Variants in MYO3A observed in about 807,000 individuals in gnomAD.
The protein encoded by MYO3A is myosin-IIIa.
In MYO3A, 180 loss-of-function variants were observed where a neutral mutation model predicts 192.7. The ratio of observed to expected loss-of-function variants is 0.93; its 90% CI spans 0.83 to 1.06. The LOEUF (loss-of-function observed/expected upper bound fraction) is 1.06, where lower values mean the gene tolerates loss of function less well. Among genes scored for constraint, MYO3A ranks in the 50% least tolerant of loss-of-function variants. MYO3A has a pLI of 0.00. For missense variants in MYO3A, 1,896 were observed against 1,905.0 expected (o/e 1.00, Z 0.09); for synonymous variants, 628 against 645.3 (o/e 0.97, Z 0.41).
chr10:25,981,398 G>GA (rs951440789), intron 4 of MYO3A, among the ~76,000 whole-genome samples: 20 of 149,504 alleles, frequency 1.3e-4, no homozygotes, highest in African/African-American at 3.4e-4. Context: ...TTTGAATTAG[G>GA]AAAAAAAAAA....
intron 30 of MYO3A, among the ~76,000 whole-genome samples, chr10:26,174,924 A>G (rs1178475521): frequency 6.6e-6 from 1 of 152,300 alleles, no homozygotes; most frequent in South Asian, 2.1e-4. Context: ...TCCAAAGTTT[A>G]TGCTTTCTCC....
At position 26,157,988 on chromosome 10, in the gene MYO3A, C is replaced by T. The variant is rs78396293; in HGVS notation, c.2999+473C>T. On this transcript the variant is annotated intron_variant, in intron 26 of 34. Transcript: ENST00000642920. ...TGTTAAACAGCCATTCTACAATTTACAGGATGGCCTCCCCACAACAAAGAA... is the reference window on the plus strand; with the variant it reads ...TGTTAAACAGCCATTCTACAATTTATAGGATGGCCTCCCCACAACAAAGAA... Among the ~76,000 whole-genome samples, 695 of 152,222 alleles carry T rather than the reference C, an allele frequency of 4.6e-3. 8 individuals carry two copies. Among genetic ancestry groups the T allele is most frequent in the African/African-American group, 0.015 (640 of 41,526 alleles).
At chr10:25,934,573 G>A (rs1290411178) in intron 1 of MYO3A, among the ~76,000 whole-genome samples, 2 of 151,892 alleles carry the variant, frequency 1.3e-5, no homozygotes, top group East Asian at 1.9e-4. Flanking sequence ...AAACCAAGAG[G>A]GGGAATGTGA....
intron 31 of MYO3A, 43 bp from the exon 32 acceptor site, chr10:26,193,162 G>A (rs1843231575): frequency 2.2e-6 from 3 of 1,375,572 alleles, no homozygotes; most frequent in Non-Finnish European, 2.1e-6. Flanking sequence ...CTTGATAATA[G>A]TATTTGTAAT....
rs767500360 is a variant in MYO3A, at chr10:26,021,649, G to A, written c.731+1G>A. ...TGAGAGCACTCTTCAAAATACCAAG[G>A]TCAGATGACTAACATTGGGTCCAGT... is the stretch of plus-strand genomic sequence containing the variant. On this transcript the variant is annotated splice_donor_variant, in intron 8 of 34. Coordinates refer to ENST00000642920, the MANE Select transcript of MYO3A (RefSeq NM_017433.5). LOFTEE classifies it high-confidence loss of function. 3 of 1,613,918 alleles carry A rather than the reference G, an allele frequency of 1.9e-6. No individual in the cohort carries two copies. In the African/African-American group the frequency reaches 4.0e-5, roughly 22 times the overall value.
Position 26,099,125 on chromosome 10 carries a change from T to C in MYO3A, c.1776+2443T>C, listed in dbSNP as rs529733759. Among the ~76,000 whole-genome samples, 27 of 152,282 alleles carry C rather than the reference T, an allele frequency of 1.8e-4. No individual in the cohort carries two copies. The East Asian group carries it at 2.7e-3, about 15-fold the overall frequency. On this transcript the variant is annotated intron_variant, in intron 17 of 34. Transcript: ENST00000642920. ...TAGTTCTCCTTGAAGAGGTCCTTCATGTCCCTTGTAAGTTGGATTCCTAGA... is the reference window on the plus strand; with the variant it reads ...TAGTTCTCCTTGAAGAGGTCCTTCACGTCCCTTGTAAGTTGGATTCCTAGA...
intron 34 of MYO3A, among the ~76,000 whole-genome samples, chr10:26,208,179 C>T (rs893751962): frequency 6.6e-5 from 10 of 152,158 alleles, no homozygotes; most frequent in Admixed American, 5.2e-4. Flanking sequence ...CTGCTTGTCT[C>T]CTCTGAAGAT....
Position 26,026,533 on chromosome 10 carries a change from G to A in MYO3A, c.953+1G>A, listed in dbSNP as rs371225282. ...GCATGGGAGGCACAGAAAAGGCCAG[G>A]TAATCAAATAATATCTTGATTCCAA... On this transcript the variant is annotated splice_donor_variant, in intron 10 of 34. Transcript: ENST00000642920. LOFTEE classifies it high-confidence loss of function. 42 of 1,613,836 alleles carry A rather than the reference G, an allele frequency of 2.6e-5. No individual in the cohort carries two copies. Among genetic ancestry groups the A allele is most frequent in the Non-Finnish European group, 3.3e-5 (39 of 1,179,884 alleles).
At chr10:26,046,100 A>G (rs1005612677) in intron 10 of MYO3A, among the ~76,000 whole-genome samples, 1 of 152,182 alleles carries the variant, frequency 6.6e-6, no homozygotes, top group African/African-American at 2.4e-5. Context: ...CACTCTAGCA[A>G]CTTAATCAAA....
intron 4 of MYO3A, among the ~76,000 whole-genome samples, chr10:25,974,709 A>G (rs986961351): frequency 2.6e-5 from 4 of 152,326 alleles, no homozygotes; most frequent in Admixed American, 2.0e-4. Flanking sequence ...CGCTGACTGT[A>G]TGCCCTTATG....
chr10:26,185,329 C>CTTTTTT lies in MYO3A; in HGVS notation c.4439-7853_4439-7848dup, dbSNP rs61581382. Among the ~76,000 whole-genome samples the CTTTTTT allele has an allele frequency of 3.3e-4, 21 of 63,878 alleles. 3 individuals carry two copies. The highest frequency in any genetic ancestry group is 5.4e-4 in the Non-Finnish European group (18 of 33,126). The allele number at this position is 63,878 out of a possible 152,430, so 41.9% of individuals were successfully genotyped here. A position where few individuals can be genotyped will look rare whatever the true frequency, so the allele number is the denominator to read the frequency against. The stretch of plus-strand genomic sequence containing the variant: ...CTACCATACCATACATTCCAGGATT[C>CTTTTTT]TTTTTTTTTTTTTTTTTTTTTTTTT... On this transcript the variant is annotated intron_variant, in intron 31 of 34. Transcript: ENST00000642920.
chr10:26,097,721 CT>C (rs1184895745), intron 17 of MYO3A, among the ~76,000 whole-genome samples: 1 of 152,116 alleles, frequency 6.6e-6, no homozygotes, highest in African/African-American at 2.4e-5. Context: ...TGAACTCATC[CT>C]TTTTTATGGC....
intron 10 of MYO3A, among the ~76,000 whole-genome samples, chr10:26,036,067 G>A (rs1315262315): frequency 1.3e-5 from 2 of 151,906 alleles, no homozygotes; most frequent in Non-Finnish European, 2.9e-5. Flanking sequence ...CCAAGTAGCT[G>A]GGACTACAGG....
chr10:25,970,302 C>T (rs1245527399), intron 4 of MYO3A, among the ~76,000 whole-genome samples: 1 of 151,584 alleles, frequency 6.6e-6, no homozygotes, highest in East Asian at 1.9e-4. Flanking sequence ...ATAAGAAAAA[C>T]TAACAAATAC....
chr10:26,111,349 T>C (rs1351384988), intron 17 of MYO3A, among the ~76,000 whole-genome samples: 2 of 152,156 alleles, frequency 1.3e-5, no homozygotes, highest in East Asian at 3.9e-4. Context: ...CTGTTCTAAA[T>C]ATAGTCTCAT....
chr10:25,984,997 G>A (rs1839558320), intron 4 of MYO3A, among the ~76,000 whole-genome samples: 1 of 152,112 alleles, frequency 6.6e-6, no homozygotes, highest in Non-Finnish European at 1.5e-5. Flanking sequence ...CGGCACTTTG[G>A]GAGGCTGAGG....
At chr10:25,997,305 G>C (rs1433219389) in intron 6 of MYO3A, 47 bp downstream of exon 6, 1 of 1,339,618 alleles carries the variant, frequency 7.5e-7, no homozygotes, top group East Asian at 2.3e-5. Flanking sequence ...TAATGAACTA[G>C]TATGATATGA....
chr10:25,957,259 T>TA (rs1296570967), intron 4 of MYO3A, among the ~76,000 whole-genome samples: 2 of 152,122 alleles, frequency 1.3e-5, no homozygotes, highest in Non-Finnish European at 2.9e-5. Context: ...GGTATTCTCA[T>TA]GATAGTGAAT....
At chr10:26,126,384 A>G (rs1589001349) in intron 19 of MYO3A, among the ~76,000 whole-genome samples, 1 of 152,312 alleles carries the variant, frequency 6.6e-6, no homozygotes, top group Non-Finnish European at 1.5e-5. Context: ...ATTTATACAC[A>G]TTTCAAGTAT....
Sources: gnomAD v4.1 joint callset for allele counts (sites outside exome capture counted in the v4.1 genomes callset) on GRCh38, gnomAD v4.1.1 for gene constraint, MANE v1.5 for transcripts, NCBI Gene and HGNC (gene_info 2026-07-23, HGNC 2026-07-21) for gene names.